Variants in TCF20 observed in about 807,000 individuals in gnomAD.
TCF20 encodes the protein SPRE-binding protein.
A neutral mutation model predicts 148.6 loss-of-function variants in TCF20; 3 were observed. The ratio of observed to expected loss-of-function variants is 0.02; its 90% CI spans 0.01 to 0.05. TCF20 has a LOEUF of 0.05. TCF20 is among the 10% of genes least tolerant of loss of function. TCF20 has a pLI of 1.00. For synonymous variants in TCF20, 1,049 were observed against 909.5 expected (o/e 1.15, Z -2.76); for missense variants, 2,350 against 2,429.3 (o/e 0.97, Z 0.69).
At chr22:42,244,700 T>C (rs927970718) in intron 1 of TCF20, among the ~76,000 whole-genome samples, 4 of 152,138 alleles carry the variant, frequency 2.6e-5, no homozygotes, top group African/African-American at 9.7e-5. Context: ...CAGGTTGTTA[T>C]GGGTGCACAC....
chr22:42,321,116 C>T (rs942357185), intron 1 of TCF20, among the ~76,000 whole-genome samples: 3 of 152,260 alleles, frequency 2.0e-5, no homozygotes, highest in African/African-American at 7.2e-5. Flanking sequence ...AATTCAGGAG[C>T]AAGGGCTGGG....
chr22:42,326,959 G>C (rs1254528836), intron 1 of TCF20, among the ~76,000 whole-genome samples: 2 of 152,268 alleles, frequency 1.3e-5, no homozygotes, highest in African/African-American at 4.8e-5. Context: ...AGTGAGGAAA[G>C]GGCAGATCTT....
At chr22:42,300,181 G>C (rs1195742946) in intron 1 of TCF20, among the ~76,000 whole-genome samples, 1 of 152,104 alleles carries the variant, frequency 6.6e-6, no homozygotes, top group Non-Finnish European at 1.5e-5. Context: ...GGCAGGGTAA[G>C]GGGAGGCAGG....
intron 1 of TCF20, among the ~76,000 whole-genome samples, chr22:42,259,362 A>G (rs768787199): frequency 1.3e-5 from 2 of 152,142 alleles, no homozygotes; most frequent in African/African-American, 2.4e-5. Context: ...TCAATTAGGA[A>G]GCAAGGAAGA....
At chr22:42,246,703 C>T (rs910573272) in intron 1 of TCF20, among the ~76,000 whole-genome samples, 2 of 152,182 alleles carry the variant, frequency 1.3e-5, no homozygotes, top group Non-Finnish European at 2.9e-5. Flanking sequence ...CACGGTGGCT[C>T]ACGCCTGTAA....
intron 1 of TCF20, among the ~76,000 whole-genome samples, chr22:42,268,849 G>A (rs555092863): frequency 6.6e-6 from 1 of 152,330 alleles, no homozygotes; most frequent in South Asian, 2.1e-4. Flanking sequence ...CAACTTTTAT[G>A]CTCTGTTGAA....
chr22:42,218,395 G>A (rs2143139), intron 1 of TCF20, among the ~76,000 whole-genome samples: 1 of 151,916 alleles, frequency 6.6e-6, no homozygotes, highest in African/African-American at 2.4e-5. Flanking sequence ...CTCTTCACCC[G>A]CTCCCCATCA....
rs1569213177 is a variant in TCF20 at position 42,338,848 on chromosome 22, TTATAAA to T, written c.-37+4625_-37+4630del. Among the ~76,000 whole-genome samples the T allele has an allele frequency of 1.3e-5, 2 of 152,152 alleles. No homozygotes were observed. Among genetic ancestry groups the T allele is most frequent in the South Asian group, 2.1e-4 (1 of 4,824 alleles). ...TTGGGCTGGAGTCCCTTCAGATGCA[TTATAAA>T]TATAAAGGCTAAAATTCTGATTAAA... On this transcript the variant is annotated intron_variant, in intron 1 of 1. Transcript: ENST00000515426. This position sits in a 1 kb window ranked among gnomAD's most constrained non-coding sequence, Gnocchi z 4.0.
At chr22:42,272,076 C>T (rs1358061571), upstream of TCF20, among the ~76,000 whole-genome samples, 2 of 152,212 alleles carry the variant, frequency 1.3e-5, no homozygotes, top group African/African-American at 4.8e-5. Context: ...TGGGGGCTGG[C>T]TCCAAAGCAG....
intron 1 of TCF20, among the ~76,000 whole-genome samples, chr22:42,222,004 C>A (rs1922420269): frequency 6.6e-6 from 1 of 152,060 alleles, no homozygotes; most frequent in Non-Finnish European, 1.5e-5. Flanking sequence ...TCCCAAAGTG[C>A]TGGGATTACA....
At chr22:42,209,144 T>C (rs1938595511) in intron 2 of TCF20, among the ~76,000 whole-genome samples, 1 of 152,210 alleles carries the variant, frequency 6.6e-6, no homozygotes, top group African/African-American at 2.4e-5. Context: ...GAGGCTAGGA[T>C]AAAGTCATGC....
rs759333050 is a variant in TCF20 at position 42,213,088 on chromosome 22, C to T, written c.2218G>A (p.Gly740Arg). 6.2e-7 allele frequency: 1 copy of T among 1,614,194 alleles called. No individual in the cohort carries two copies. Among genetic ancestry groups the T allele is most frequent in the East Asian group, 2.2e-5 (1 of 44,878 alleles). Reference protein sequence around the residue: ...GQEKGDFTGHGERKGRNEKFP... With the variant: ...GQEKGDFTGHRERKGRNEKFP... ...TTTTCATTTCTACCCTTTCGTTCCC[C>T]ATGGCCAGTGAAATCTCCCTTTTCT... Residue 740 changes from glycine (G) to arginine (R), a missense_variant, in exon 2 of 6, where the codon GGG (glycine) becomes AGG (arginine). Gly to Arg is a moderately radical substitution (Grantham distance 125). Around this residue, in one of 7 missense-constraint regions of TCF20, gnomAD observed 1,641 missense variants for 1,662.6 expected, o/e 0.99. Transcript: ENST00000677622.
At chr22:42,216,509 G>T (rs1016311936) in intron 1 of TCF20, among the ~76,000 whole-genome samples, 1 of 152,092 alleles carries the variant, frequency 6.6e-6, no homozygotes, top group Non-Finnish European at 1.5e-5. Context: ...TGTGTCTACA[G>T]CACCCCTCTC....
chr22:42,206,712 G>A (rs1161673659), intron 2 of TCF20, among the ~76,000 whole-genome samples: 2 of 152,160 alleles, frequency 1.3e-5, no homozygotes, highest in African/African-American at 4.8e-5. Context: ...TTGGGAGATA[G>A]GGGACATGAT....
chr22:42,169,733 G>A (rs1936005106), intron 4 of TCF20, 114 bp downstream of exon 4: 5 of 1,067,460 alleles, frequency 4.7e-6, no homozygotes, highest in Non-Finnish European at 6.9e-6. Flanking sequence ...ACAGCCGGAG[G>A]CACAGGTGGG....
chr22:42,206,900 C>T (rs1193910600), intron 2 of TCF20, among the ~76,000 whole-genome samples: 2 of 151,988 alleles, frequency 1.3e-5, no homozygotes, highest in Admixed American at 6.6e-5. Flanking sequence ...TCCCTTCCCA[C>T]GAAAAAGTGG....
chr22:42,252,111 AT>A (rs141467897), intron 1 of TCF20, among the ~76,000 whole-genome samples: 1 of 148,798 alleles, frequency 6.7e-6, no homozygotes. Flanking sequence ...CTCTACCTGT[AT>A]TTTTTTTTGT....
At chr22:42,179,004 A>G (rs1936610303) in intron 3 of TCF20, among the ~76,000 whole-genome samples, 2 of 151,782 alleles carry the variant, frequency 1.3e-5, no homozygotes, top group Non-Finnish European at 2.9e-5. Flanking sequence ...CCACAATGAA[A>G]TAACATTTCA....
At chr22:42,170,029 G>C in intron 3 of TCF20, 133 bp from the exon 4 acceptor site, 2 of 770,124 alleles carry the variant, frequency 2.6e-6, no homozygotes, top group Non-Finnish European at 2.1e-6. Flanking sequence ...GAAAACATTA[G>C]AGACAACCCA....
Sources: allele counts gnomAD v4.1 joint callset (sites outside exome capture counted in the v4.1 genomes callset), GRCh38; gene constraint gnomAD v4.1.1; regional missense constraint gnomAD v4.1.1; non-coding constraint Gnocchi (gnomAD v3.1); transcripts MANE v1.5; gene names NCBI Gene and HGNC (gene_info 2026-07-23, HGNC 2026-07-21).